The following TMEM209 variants were observed in gnomAD, a reference collection of about 807,000 sequenced individuals.
TMEM209 encodes transmembrane protein 209.
In TMEM209, 65 loss-of-function variants were observed where a neutral mutation model predicts 76.2. The ratio of observed to expected loss-of-function variants is 0.85; its 90% confidence interval spans 0.70 to 1.05. TMEM209 has a LOEUF of 1.05. TMEM209 is among the 50% of genes least tolerant of loss of function. The probability of loss-of-function intolerance (pLI) is 0.00; values close to 1 mark genes in which losing one functional copy is unlikely to be tolerated. For missense variants in TMEM209, 623 were observed against 685.5 expected (o/e 0.91, Z 1.02); for synonymous variants, 239 against 237.6 (o/e 1.01, Z -0.06).
chr7:130,185,651 A>G (rs887253904), intron 6 of TMEM209, among the ~76,000 whole-genome samples: 1 of 152,222 alleles, frequency 6.6e-6, no homozygotes, highest in Non-Finnish European at 1.5e-5. Context: ...TCATTCTCTA[A>G]GACTTTTAAA....
In TMEM209 at chr7:130,173,887, G is replaced by C; in HGVS notation, c.1397C>G (p.Pro466Arg). The change falls in exon 12 of 15, where the codon CCG becomes CGG. Residue 466 changes from proline to arginine, a missense_variant. Transcript: ENST00000397622. Reference sequence around the variant, plus strand: ...AAAAGTTTTTCCGTCGGGATACTTCGGATGTGGAGGTAATCTGGAATCAAG... The same window carrying C: ...AAAAGTTTTTCCGTCGGGATACTTCCGATGTGGAGGTAATCTGGAATCAAG... ...TYLDSRLPPH[P>R]KYPDGKTFTS... is the part of the protein sequence containing the mutation. 6.2e-7 allele frequency: 1 copy of C among 1,613,866 alleles called. No individual in the cohort carries two copies. Among genetic ancestry groups the C allele is most frequent in the Non-Finnish European group, 8.5e-7 (1 of 1,179,798 alleles).
At chr7:130,168,732 A>G (rs1796956176) in intron 14 of TMEM209, among the ~76,000 whole-genome samples, 1 of 152,208 alleles carries the variant, frequency 6.6e-6, no homozygotes, top group African/African-American at 2.4e-5. Flanking sequence ...TAGAAGGCCA[A>G]GGCAGGTAGA....
In TMEM209 at chr7:130,168,841, A is replaced by C. The variant is rs530085903; in HGVS notation, c.1631+1559T>G. ...GTGTTATTTAAATACTTATCTACTGAGTATGCATTATTTTCATAATTTAAA... is the reference window on the plus strand; with the variant it reads ...GTGTTATTTAAATACTTATCTACTGCGTATGCATTATTTTCATAATTTAAA... On this transcript the variant is annotated intron_variant, in intron 14 of 14. Coordinates refer to ENST00000397622, the MANE Select transcript of TMEM209 (RefSeq NM_032842.4). 6.2e-4 allele frequency among the ~76,000 whole-genome samples: 94 copies of C among 152,286 alleles called. No homozygotes were observed. In the South Asian group the frequency reaches 7.7e-3, roughly 12 times the overall value.
At chr7:130,182,100 C>G (rs1158212216) in intron 8 of TMEM209, 1 of 173,344 alleles carries the variant, frequency 5.8e-6, no homozygotes, top group Non-Finnish European at 1.2e-5. Context: ...GCCACCACGC[C>G]CAGTTAATTT....
chr7:130,181,274 A>G (rs1797403735), intron 9 of TMEM209, among the ~76,000 whole-genome samples: 1 of 152,252 alleles, frequency 6.6e-6, no homozygotes, highest in Non-Finnish European at 1.5e-5. Context: ...CTATAGAGAC[A>G]GAAAATAGAC....
intron 6 of TMEM209, among the ~76,000 whole-genome samples, chr7:130,190,807 G>A (rs1290948755): frequency 6.6e-6 from 1 of 151,894 alleles, no homozygotes; most frequent in Non-Finnish European, 1.5e-5. Context: ...GACCAGCCTG[G>A]GCAACATGGC....
At chr7:130,179,188 T>C (rs1797333870) in intron 9 of TMEM209, among the ~76,000 whole-genome samples, 1 of 152,112 alleles carries the variant, frequency 6.6e-6, no homozygotes, top group African/African-American at 2.4e-5. Context: ...TATCCCCCAG[T>C]GCCCAGAATA....
chr7:130,178,539 A>C lies in TMEM209; in HGVS notation c.1121-12T>G. On this transcript the variant is annotated splice_polypyrimidine_tract_variant and intron_variant, in intron 9 of 14. Transcript: ENST00000397622. Reference sequence around the variant, plus strand: ...AGTAATACTAGCCTCTGTTAACATAAAACACAGAGAACACTGATTATTCTA... The same window carrying C: ...AGTAATACTAGCCTCTGTTAACATACAACACAGAGAACACTGATTATTCTA... 1 of 1,612,470 alleles carries C rather than the reference A, an allele frequency of 6.2e-7. No homozygotes were observed. The highest frequency in any genetic ancestry group is 8.5e-7 in the Non-Finnish European group (1 of 1,179,226).
At chr7:130,170,657 A>G (rs573016665) in intron 13 of TMEM209, among the ~76,000 whole-genome samples, 184 bp from the exon 14 acceptor site, 1 of 152,302 alleles carries the variant, frequency 6.6e-6, no homozygotes, top group African/African-American at 2.4e-5. Flanking sequence ...TGCAGTGAGT[A>G]AGACAGAAAG....
intron 10 of TMEM209, among the ~76,000 whole-genome samples, chr7:130,177,365 G>A (rs995917240): frequency 6.7e-6 from 1 of 148,408 alleles, no homozygotes; most frequent in African/African-American, 2.5e-5. Context: ...AAAAAAAAAA[G>A]AATGATAATT....
intron 14 of TMEM209, among the ~76,000 whole-genome samples, chr7:130,169,038 A>T (rs1584662175): frequency 6.6e-6 from 1 of 151,894 alleles, no homozygotes; most frequent in African/African-American, 2.4e-5. Context: ...GGAGTTTGAG[A>T]CCAGCCTGGC....
At chr7:130,167,096 C>A (rs925131736) in intron 14 of TMEM209, among the ~76,000 whole-genome samples, 3 of 151,996 alleles carry the variant, frequency 2.0e-5, no homozygotes, top group Non-Finnish European at 4.4e-5. Flanking sequence ...CAGATAATAT[C>A]TGAAACTGAA....
At chr7:130,201,634 G>A (rs1211164592) in intron 5 of TMEM209, among the ~76,000 whole-genome samples, 1 of 152,162 alleles carries the variant, frequency 6.6e-6, no homozygotes, top group African/African-American at 2.4e-5. Flanking sequence ...CGTAGATGGT[G>A]CACTAAGTTT....
intron 6 of TMEM209, among the ~76,000 whole-genome samples, chr7:130,189,655 GA>G (rs1166970673): frequency 6.6e-6 from 1 of 152,170 alleles, no homozygotes; most frequent in African/African-American, 2.4e-5. Context: ...CACTACTGGA[GA>G]AAGTTACAAA....
At position 130,173,951 on chromosome 7, in the gene TMEM209, GA is replaced by G; in HGVS notation, c.1345-13del. Reference sequence around the variant, plus strand: ...ACATGCATGATGATCTGAGGATGAAGAAATAATTTTTTTTTAAGTCAGCATG... The same window carrying G: ...ACATGCATGATGATCTGAGGATGAAGAATAATTTTTTTTTAAGTCAGCATG... On this transcript the variant is annotated splice_polypyrimidine_tract_variant and intron_variant, in intron 11 of 14. Coordinates refer to ENST00000397622, the MANE Select transcript of TMEM209 (RefSeq NM_032842.4). 6.5e-7 allele frequency: 1 copy of G among 1,547,882 alleles called. No homozygotes were observed. The highest frequency in any genetic ancestry group is 8.9e-7 in the Non-Finnish European group (1 of 1,120,458).
In TMEM209 at chr7:130,204,060, CTTGATGG is replaced by C; in HGVS notation, c.47_53del (p.Thr16ArgfsTer2). ...TCCTAGCCTCTGTTTCTTTTCTCAT[CTTGATGG>C]TTCTGTCAATAAGGGAAGCACTAGG... On this transcript the variant is annotated frameshift_variant, in exon 2 of 15. Transcript: ENST00000397622. LOFTEE classifies it high-confidence loss of function. 1.2e-6 allele frequency: 2 copies of C among 1,613,056 alleles called. No homozygotes were observed. The highest frequency in any genetic ancestry group is 1.7e-6 in the Non-Finnish European group (2 of 1,179,480).
rs1353300053 is a variant in TMEM209, at chr7:130,170,416, C to CT, written c.1614dup (p.Glu539ArgfsTer9). 6.2e-7 allele frequency: 1 copy of CT among 1,612,848 alleles called. No individual in the cohort carries two copies. The highest frequency in any genetic ancestry group is 8.5e-7 in the Non-Finnish European group (1 of 1,179,590). ...AGTACCTACCCAAGCATTCCTGACT[C>CT]TTTGGTCTTTATGATGTAGAGAAAC... is the stretch of plus-strand genomic sequence containing the variant. On this transcript the variant is annotated frameshift_variant, in exon 14 of 15. Coordinates refer to ENST00000397622, the MANE Select transcript of TMEM209 (RefSeq NM_032842.4). LOFTEE classifies it high-confidence loss of function.
chr7:130,166,481 A>G lies in TMEM209; in HGVS notation c.1656T>C (p.Gly552=). 6.5e-7 allele frequency: 1 copy of G among 1,543,738 alleles called. No homozygotes were observed. Among genetic ancestry groups the G allele is most frequent in the Non-Finnish European group, 8.7e-7 (1 of 1,144,254 alleles). Residue 552 remains glycine, a synonymous_variant, in exon 15 of 15, where the codon GGT becomes GGC. Coordinates refer to ENST00000397622, the MANE Select transcript of TMEM209 (RefSeq NM_032842.4). ...MLGRVNLGLS[G]VNILWIFGE ...CGCCAAAGATCCACAATATATTCAC[A>G]CCAGATAGACCAAGATTAACTCTCC...
At chr7:130,203,670 T>A in intron 3 of TMEM209, 118 bp downstream of exon 3, 2 of 852,744 alleles carry the variant, frequency 2.3e-6, no homozygotes, top group East Asian at 5.3e-5. Context: ...TCCCAGTTTT[T>A]ACAACCCAGC....
Sources: allele counts gnomAD v4.1 joint callset (sites outside exome capture counted in the v4.1 genomes callset), GRCh38; gene constraint gnomAD v4.1.1; transcripts MANE v1.5; gene names NCBI Gene and HGNC (gene_info 2026-07-23, HGNC 2026-07-21).